The following SERPINB6 variants were observed in gnomAD, a reference collection of about 807,000 sequenced individuals.
The protein encoded by SERPINB6 is serpin family B member 6.
SERPINB6 carries 16 observed loss-of-function variants against 26.1 expected under a neutral mutation model. The ratio of observed to expected loss-of-function variants is 0.61; its 90% CI spans 0.42 to 0.93. The LOEUF (loss-of-function observed/expected upper bound fraction) is 0.93, where lower values mean the gene tolerates loss of function less well. Among genes scored for constraint, SERPINB6 ranks in the 40% least tolerant of loss-of-function variants. The pLI, the probability that SERPINB6 is intolerant of heterozygous loss-of-function variation, is 0.00. For synonymous variants in SERPINB6, 174 were observed against 176.6 expected (o/e 0.99, Z 0.11); for missense variants, 420 against 478.0 (o/e 0.88, Z 1.13).
rs770315352 is a variant in SERPINB6, at chr6:2,954,614, G to C, written c.408C>G (p.Thr136=). 25 of 1,613,370 alleles carry C rather than the reference G, an allele frequency of 1.5e-5. No homozygotes were observed. Among genetic ancestry groups the C allele is most frequent in the Non-Finnish European group, 2.0e-5 (24 of 1,179,494 alleles). Residue 136 remains threonine (T), a synonymous_variant, in exon 4 of 7, where the codon ACC becomes ACG. Transcript: ENST00000380539. Reference sequence around the variant, plus strand: ...CACCTTCTGTCTTTTCAGCTACCCAGGTGTTTATGTGTTTTCTGGACTTCT... The same window carrying C: ...CACCTTCTGTCTTTTCAGCTACCCACGTGTTTATGTGTTTTCTGGACTTCT... ...AVEKSRKHIN[T]WVAEKTEGKI...
intron 1 of SERPINB6, chr6:2,969,263 C>T (rs762416085): frequency 2.3e-5 from 23 of 985,426 alleles, no homozygotes; most frequent in Non-Finnish European, 2.7e-5. Context: ...TTCACAGTCA[C>T]GTTGCAAACT....
intron 1 of SERPINB6, among the ~76,000 whole-genome samples, chr6:2,962,354 T>C (rs986143247): frequency 1.3e-5 from 2 of 152,126 alleles, no homozygotes; most frequent in African/African-American, 4.8e-5. Context: ...TGTCAGGGGA[T>C]TTAATCTGAA....
At chr6:2,971,285 G>A (rs1581292847) in intron 1 of SERPINB6, 1 of 695,262 alleles carries the variant, frequency 1.4e-6, no homozygotes, top group Non-Finnish European at 1.8e-6. Flanking sequence ...GCGAGGCTCC[G>A]GAAGGGAACC....
intron 3 of SERPINB6, 63 bp downstream of exon 3, chr6:2,955,461 G>A (rs1019153229): frequency 6.2e-7 from 1 of 1,603,472 alleles, no homozygotes; most frequent in Non-Finnish European, 8.5e-7. Context: ...TTCCTGCTGG[G>A]CCCCAGCCCC....
intron 5 of SERPINB6, 130 bp downstream of exon 5, chr6:2,952,914 A>C (rs1769973010): frequency 7.4e-6 from 10 of 1,356,936 alleles, no homozygotes; most frequent in Non-Finnish European, 9.3e-6. Flanking sequence ...CAGGGACACG[A>C]GGCCACCCAA....
intron 1 of SERPINB6, among the ~76,000 whole-genome samples, chr6:2,964,938 G>A (rs1233545483): frequency 2.6e-5 from 4 of 152,212 alleles, no homozygotes; most frequent in Non-Finnish European, 5.9e-5. Context: ...CTGGCCTCAA[G>A]CAATCCTTTA....
At chr6:2,955,199 A>C (rs1476412678) in intron 3 of SERPINB6, 2 of 300,376 alleles carry the variant, frequency 6.7e-6, no homozygotes, top group East Asian at 7.9e-5. Context: ...CAAAAAAAAA[A>C]AAACAAAAAA....
chr6:2,965,172 C>T (rs1771495240), intron 1 of SERPINB6, among the ~76,000 whole-genome samples: 1 of 152,146 alleles, frequency 6.6e-6, no homozygotes, highest in Admixed American at 6.5e-5. Context: ...CCCCCCTTTC[C>T]TTAGTTTTCT....
intron 3 of SERPINB6, 132 bp from the exon 4 acceptor site, chr6:2,954,841 G>A (rs528753629): frequency 2.8e-6 from 2 of 706,000 alleles, no homozygotes; most frequent in South Asian, 1.6e-5. Flanking sequence ...ATAAATATGA[G>A]GACTTAACCT....
intron 1 of SERPINB6, chr6:2,962,289 G>T: frequency 1.2e-6 from 1 of 867,556 alleles, no homozygotes; most frequent in Non-Finnish European, 1.4e-6. Flanking sequence ...ATACTGAACT[G>T]GAGAAACCAA....
In SERPINB6 at chr6:2,948,184, C is replaced by T. The variant is rs536355790; in HGVS notation, c.*114G>A. The T allele has an allele frequency of 5.1e-6, 6 of 1,176,000 alleles. No homozygotes were observed. Among genetic ancestry groups the T allele is most frequent in the Non-Finnish European group, 7.6e-6 (6 of 788,466 alleles). The allele number at this position is 1,176,000 out of a possible 1,614,324, so 72.8% of individuals were successfully genotyped here. On this transcript the variant is annotated 3_prime_UTR_variant, in exon 7 of 7. Coordinates refer to ENST00000380539, the MANE Select transcript of SERPINB6 (RefSeq NM_004568.6). The surrounding 1 kb of genome is among the most constrained non-coding windows in gnomAD (Gnocchi z 5.0). ...TGAATGCGGCATCCCACAAATGGGCCCTTTATTTCTGAACTGCCACCACTG... is the reference window on the plus strand; with the variant it reads ...TGAATGCGGCATCCCACAAATGGGCTCTTTATTTCTGAACTGCCACCACTG...
chr6:2,965,493 G>A (rs1344041621), intron 1 of SERPINB6, among the ~76,000 whole-genome samples: 2 of 152,090 alleles, frequency 1.3e-5, no homozygotes. Context: ...TTTAAGTGTT[G>A]ATGACATATT....
intron 1 of SERPINB6, chr6:2,969,701 T>C: frequency 7.1e-6 from 7 of 985,386 alleles, no homozygotes; most frequent in Non-Finnish European, 8.4e-6. Flanking sequence ...AATTTAACCA[T>C]TTAAAGACTG....
Position 2,949,144 on chromosome 6 carries a change from C to T in SERPINB6, c.574-75G>A. Reference sequence around the variant, plus strand: ...CATGGGACAAATGTGTCGGAGCTGGCCACTCTCTGCAGGGAGAAACGCAGC... The same window carrying T: ...CATGGGACAAATGTGTCGGAGCTGGTCACTCTCTGCAGGGAGAAACGCAGC... On this transcript the variant is annotated intron_variant, in intron 5 of 6. Transcript: ENST00000380539. 4 of 1,536,694 alleles carry T rather than the reference C, an allele frequency of 2.6e-6. No homozygotes were observed. The South Asian group carries it at 3.4e-5, about 13-fold the overall frequency.
chr6:2,966,499 G>C, intron 1 of SERPINB6: 1 of 707,712 alleles, frequency 1.4e-6, no homozygotes, highest in East Asian at 1.3e-4. Flanking sequence ...CACCGCCTGA[G>C]CTCCACCTCC....
In SERPINB6 at chr6:2,967,135, G is replaced by C; in HGVS notation, c.-11+4398C>G. On this transcript the variant is annotated intron_variant, in intron 1 of 6. Coordinates refer to ENST00000380539, the MANE Select transcript of SERPINB6 (RefSeq NM_004568.6). This position sits in a 1 kb window ranked among gnomAD's most constrained non-coding sequence, Gnocchi z 4.3. ...TTGGGGCCAGGCTACTCACCCCAAAGGTGACCAGTGCAGAGCTCCAGCCAC... is the reference window on the plus strand; with the variant it reads ...TTGGGGCCAGGCTACTCACCCCAAACGTGACCAGTGCAGAGCTCCAGCCAC... The C allele has an allele frequency of 1.0e-6, 1 of 985,114 alleles. No individual in the cohort carries two copies. Among genetic ancestry groups the C allele is most frequent in the Non-Finnish European group, 1.2e-6 (1 of 829,680 alleles). 61.0% of individuals were successfully genotyped at this position (985,114 alleles called of 1,614,324 possible).
intron 1 of SERPINB6, chr6:2,969,968 C>G (rs1771980144): frequency 1.3e-6 from 1 of 781,692 alleles, no homozygotes; most frequent in African/African-American, 1.9e-5. Context: ...AACCCCATTG[C>G]TACTAAAAAT....
At chr6:2,958,799 C>A (rs555541280) in intron 2 of SERPINB6, among the ~76,000 whole-genome samples, 2 of 152,090 alleles carry the variant, frequency 1.3e-5, no homozygotes, top group African/African-American at 2.4e-5. Context: ...GAAGGCTTTA[C>A]GCGTAAATGA....
rs998050054 is a variant in SERPINB6 at position 2,969,712 on chromosome 6, G to A, written c.-11+1821C>T. ...ACTAAATTTAACCATTTAAAGACTGGTTTAATGGAAACTTGGACTTCCTGC... is the reference window on the plus strand; with the variant it reads ...ACTAAATTTAACCATTTAAAGACTGATTTAATGGAAACTTGGACTTCCTGC... On this transcript the variant is annotated intron_variant, in intron 1 of 6. Coordinates refer to ENST00000380539, the MANE Select transcript of SERPINB6 (RefSeq NM_004568.6). 1.5e-5 allele frequency: 15 copies of A among 984,930 alleles called. No homozygotes were observed. In the African/African-American group the frequency reaches 2.6e-4, roughly 17 times the overall value. 61.0% of individuals were successfully genotyped at this position (984,930 alleles called of 1,614,324 possible).
Sources: allele counts gnomAD v4.1 joint callset (sites outside exome capture counted in the v4.1 genomes callset), GRCh38; gene constraint gnomAD v4.1.1; non-coding constraint Gnocchi (gnomAD v3.1); transcripts MANE v1.5; gene names NCBI Gene and HGNC (gene_info 2026-07-23, HGNC 2026-07-21).